CNTNAP2: variants seen among roughly 807,000 people sequenced by gnomAD.
The protein encoded by CNTNAP2 is contactin-associated protein-like 2.
CNTNAP2 carries 98 observed loss-of-function variants against 155.2 expected under a neutral mutation model. That is an observed-to-expected ratio of 0.63 (90% CI 0.54 to 0.75). The LOEUF is 0.75. CNTNAP2 is among the 30% of genes least tolerant of loss of function. CNTNAP2 has a pLI of 0.00. For synonymous variants in CNTNAP2, 651 were observed against 631.2 expected (o/e 1.03, Z -0.47); for missense variants, 1,727 against 1,688.1 (o/e 1.02, Z -0.40).
intron 1 of CNTNAP2, among the ~76,000 whole-genome samples, chr7:146,287,066 T>A (rs973090002): frequency 6.6e-5 from 10 of 152,160 alleles, no homozygotes; most frequent in Non-Finnish European, 2.9e-5. Flanking sequence ...TAAAAGCAAC[T>A]GCAAAATGAA....
At chr7:146,377,566 T>C (rs564133715) in intron 1 of CNTNAP2, among the ~76,000 whole-genome samples, 14 of 152,252 alleles carry the variant, frequency 9.2e-5, no homozygotes, top group African/African-American at 3.4e-4. Flanking sequence ...TGAAACATAC[T>C]ATGTCCAAGG....
chr7:148,166,368 T>A (rs1277709740), intron 17 of CNTNAP2, among the ~76,000 whole-genome samples: 1 of 152,066 alleles, frequency 6.6e-6, no homozygotes, highest in East Asian at 1.9e-4. Flanking sequence ...ATAAATTAGA[T>A]TTTATGTGTG....
At chr7:147,539,233 T>C (rs918992563) in intron 11 of CNTNAP2, among the ~76,000 whole-genome samples, 3 of 152,212 alleles carry the variant, frequency 2.0e-5, no homozygotes. Flanking sequence ...GGGAAGATAA[T>C]AGCTAGCATA....
chr7:148,368,746 G>A (rs1798829705), intron 21 of CNTNAP2, among the ~76,000 whole-genome samples: 1 of 152,210 alleles, frequency 6.6e-6, no homozygotes, highest in Admixed American at 6.5e-5. Flanking sequence ...GGTTCCGTGT[G>A]AGAGGGTCGT....
chr7:146,913,157 A>G (rs1021383330), intron 3 of CNTNAP2, among the ~76,000 whole-genome samples: 3 of 152,186 alleles, frequency 2.0e-5, no homozygotes, highest in African/African-American at 7.2e-5. Flanking sequence ...TTTAGAAGGC[A>G]AAAATGAGCA....
intron 1 of CNTNAP2, among the ~76,000 whole-genome samples, chr7:146,563,995 A>C (rs1374840987): frequency 6.6e-6 from 1 of 152,170 alleles, no homozygotes; most frequent in African/African-American, 2.4e-5. Flanking sequence ...CATGTCCAGC[A>C]TTAATGTATA....
intron 3 of CNTNAP2, among the ~76,000 whole-genome samples, chr7:146,934,962 A>G (rs557957203): frequency 2.0e-5 from 3 of 152,372 alleles, no homozygotes; most frequent in South Asian, 2.1e-4. Context: ...AGGAATGTAT[A>G]GACTAAATAG....
Position 148,147,687 on chromosome 7 carries a change from G to C in CNTNAP2, c.2751G>C (p.Glu917Asp), listed in dbSNP as rs1324135583. ...CAACAGAAGGCCACACCCGCCTGGA[G>C]CTCTACAGCCAGTTATTTGTGGGTA... ...KAPTEGHTRL[E>D]LYSQLFVGGA... Residue 917 changes from glutamate (E) to aspartate (D), a missense_variant, in exon 17 of 24, where the codon GAG becomes GAC. Physicochemically the swap from Glu to Asp is conservative, Grantham distance 45. Coordinates refer to ENST00000361727, the MANE Select transcript of CNTNAP2 (RefSeq NM_014141.6). The C allele has an allele frequency of 3.1e-6, 5 of 1,613,394 alleles. No homozygotes were observed. The East Asian group carries it at 1.1e-4, about 36-fold the overall frequency.
intron 15 of CNTNAP2, among the ~76,000 whole-genome samples, chr7:148,052,472 T>G (rs570472229): frequency 1.3e-5 from 2 of 152,316 alleles, no homozygotes; most frequent in African/African-American, 4.8e-5. Context: ...GGTTTTGGTT[T>G]TGTTTAATAA....
intron 2 of CNTNAP2, among the ~76,000 whole-genome samples, chr7:146,782,578 G>A (rs1017373236): frequency 6.6e-6 from 1 of 152,048 alleles, no homozygotes. Context: ...TCTGAACCAG[G>A]ATATAATAAT....
intron 9 of CNTNAP2, among the ~76,000 whole-genome samples, chr7:147,333,002 A>C (rs1045368005): frequency 1.3e-5 from 2 of 152,206 alleles, no homozygotes; most frequent in Non-Finnish European, 2.9e-5. Flanking sequence ...CACAGTCTTT[A>C]ATATACAAGG....
chr7:147,958,257 C>T (rs1028965930), intron 14 of CNTNAP2, among the ~76,000 whole-genome samples: 2 of 151,970 alleles, frequency 1.3e-5, no homozygotes, highest in Admixed American at 6.6e-5. Context: ...TTATAATGAT[C>T]ACCAAAAAAT....
chr7:146,459,424 T>C (rs1469563170), intron 1 of CNTNAP2, among the ~76,000 whole-genome samples: 1 of 152,122 alleles, frequency 6.6e-6, no homozygotes, highest in Non-Finnish European at 1.5e-5. Context: ...AAACTTACAA[T>C]TGGAACCTGG....
At chr7:146,448,925 T>C (rs1485362832) in intron 1 of CNTNAP2, among the ~76,000 whole-genome samples, 1 of 152,038 alleles carries the variant, frequency 6.6e-6, no homozygotes, top group African/African-American at 2.4e-5. Flanking sequence ...TCCATCCTCT[T>C]TCATCTCTTT....
At chr7:146,207,640 T>TTG (rs1169892920) in intron 1 of CNTNAP2, among the ~76,000 whole-genome samples, 2 of 145,952 alleles carry the variant, frequency 1.4e-5, no homozygotes, top group African/African-American at 2.5e-5. Context: ...GGACTGTGTT[T>TTG]TTTTTTTTTT....
chr7:147,443,826 A>G (rs969562572), intron 10 of CNTNAP2, among the ~76,000 whole-genome samples: 5 of 152,210 alleles, frequency 3.3e-5, no homozygotes, highest in Non-Finnish European at 5.9e-5. Context: ...ATCCAAATAC[A>G]GTGTTCAAAT....
intron 3 of CNTNAP2, among the ~76,000 whole-genome samples, chr7:147,012,956 G>A (rs1024336453): frequency 5.9e-5 from 9 of 152,078 alleles, no homozygotes; most frequent in Admixed American, 1.3e-4. Flanking sequence ...TCTCCAAGTT[G>A]ACAACTCTTA....
chr7:147,526,061 G>A (rs1328826021), intron 11 of CNTNAP2, among the ~76,000 whole-genome samples: 1 of 151,844 alleles, frequency 6.6e-6, no homozygotes, highest in Non-Finnish European at 1.5e-5. Flanking sequence ...GTGTGGTGGT[G>A]TGTGCCTGTA....
At chr7:146,337,095 A>G (rs2129095889) in intron 1 of CNTNAP2, among the ~76,000 whole-genome samples, 1 of 152,328 alleles carries the variant, frequency 6.6e-6, no homozygotes, top group Non-Finnish European at 1.5e-5. Context: ...GTTACGTTAA[A>G]TGAATTCATG....
Sources: allele counts gnomAD v4.1 joint callset (sites outside exome capture counted in the v4.1 genomes callset), GRCh38; gene constraint gnomAD v4.1.1; transcripts MANE v1.5; gene names NCBI Gene and HGNC (gene_info 2026-07-23, HGNC 2026-07-21).